Variants in LMNB2 observed in about 807,000 individuals in gnomAD.
LMNB2 encodes lamin B2.
Under a neutral mutation model 69.3 loss-of-function variants are expected in LMNB2, and 17 were observed. The observed-to-expected ratio is 0.25, with a 90% CI of 0.17 to 0.37. The LOEUF (loss-of-function observed/expected upper bound fraction) is 0.37, where lower values mean the gene tolerates loss of function less well. LMNB2 is among the 10% of genes least tolerant of loss of function. LMNB2 has a pLI of 1.00. For missense variants in LMNB2, 789 were observed against 883.6 expected (o/e 0.89, Z 1.36); for synonymous variants, 397 against 389.3 (o/e 1.02, Z -0.23).
At position 2,438,474 on chromosome 19, in the gene LMNB2, C is replaced by T; in HGVS notation, c.459G>A (p.Glu153=). ...TVAQGRVKDL[E]SLFHRSEVEL... ...CCACCTCGCTCCGGTGGAACAGGGA[C>T]TCCAGGTCCTTCACACGGCCCTGGG... Residue 153 remains glutamate, a synonymous_variant, in exon 3 of 12, where the codon GAG becomes GAA. Coordinates refer to ENST00000325327, the MANE Select transcript of LMNB2 (RefSeq NM_032737.4). 6.2e-7 allele frequency: 1 copy of T among 1,612,024 alleles called. No homozygotes were observed. The highest frequency in any genetic ancestry group is 8.5e-7 in the Non-Finnish European group (1 of 1,179,814).
Position 2,438,305 on chromosome 19 carries a change from A to G in LMNB2, c.559-17T>C. 1.2e-6 allele frequency: 2 copies of G among 1,613,892 alleles called. No individual in the cohort carries two copies. Among genetic ancestry groups the G allele is most frequent in the South Asian group, 1.1e-5 (1 of 91,090 alleles). On this transcript the variant is annotated splice_polypyrimidine_tract_variant and intron_variant, in intron 3 of 11. Coordinates refer to ENST00000325327, the MANE Select transcript of LMNB2 (RefSeq NM_032737.4). ...GTCCTCGGCCTGGGAGACACAGGAC[A>G]GCGAGCTGGTGTGACAATCTGTCTG...
At position 2,453,393 on chromosome 19, in the gene LMNB2, T is replaced by C. The variant is rs1197235766; in HGVS notation, c.264+3277A>G. ...CTCTCTGAACCCCACGTGGCCCACC[T>C]GTGTCTAGAAGGCCCCCAGCTATTC... On this transcript the variant is annotated intron_variant, in intron 1 of 11. Transcript: ENST00000325327. This position sits in a 1 kb window ranked among gnomAD's most constrained non-coding sequence, Gnocchi z 4.4. 6.7e-6 allele frequency among the ~76,000 whole-genome samples: 1 copy of C among 150,362 alleles called. No individual in the cohort carries two copies. The highest frequency in any genetic ancestry group is 2.0e-4 in the East Asian group (1 of 5,080).
At chr19:2,456,543 G>A (rs1972092247) in intron 1 of LMNB2, 127 bp downstream of exon 1, 2 of 1,030,576 alleles carry the variant, frequency 1.9e-6, no homozygotes, top group East Asian at 3.8e-5. Context: ...GAAACCCCGC[G>A]GAAACCCCCG....
Position 2,430,386 on chromosome 19 carries a change from C to A in LMNB2, c.*525G>T. The A allele has an allele frequency of 5.2e-6, 1 of 192,862 alleles. No individual in the cohort carries two copies. The allele number at this position is 192,862 out of a possible 1,614,324, so 11.9% of individuals were successfully genotyped here. On this transcript the variant is annotated 3_prime_UTR_variant, in exon 12 of 12. Transcript: ENST00000325327. ...GGGGCCACGCCATCCCCATGCTGGC[C>A]CACACCCGCTGCGTGGCTGCCTGAG...
intron 11 of LMNB2, 33 bp downstream of exon 11, chr19:2,431,515 C>A: frequency 6.2e-7 from 1 of 1,612,192 alleles, no homozygotes; most frequent in South Asian, 1.1e-5. Flanking sequence ...CCAGAGGCTG[C>A]CCCCCAGCCG....
intron 1 of LMNB2, among the ~76,000 whole-genome samples, chr19:2,449,404 G>T (rs1971994677): frequency 6.6e-6 from 1 of 152,116 alleles, no homozygotes; most frequent in South Asian, 2.1e-4. Flanking sequence ...TTTCCACAAG[G>T]TATCCCTGTC....
chr19:2,452,952 G>A (rs1418377643), intron 1 of LMNB2, among the ~76,000 whole-genome samples: 2 of 141,378 alleles, frequency 1.4e-5, no homozygotes, highest in African/African-American at 2.7e-5. Context: ...CCTCATGGGG[G>A]CTGGGTCATC....
chr19:2,454,656 G>C (rs973518430), intron 1 of LMNB2, among the ~76,000 whole-genome samples: 1 of 152,134 alleles, frequency 6.6e-6, no homozygotes, highest in African/African-American at 2.4e-5. Context: ...TGGGCGAGTG[G>C]GGACTGGGCG....
chr19:2,437,802 A>AAAAAAAAAAAAAAT (rs1971845711), intron 4 of LMNB2, among the ~76,000 whole-genome samples: 1 of 151,972 alleles, frequency 6.6e-6, no homozygotes, highest in African/African-American at 2.4e-5. Flanking sequence ...TCCATCTCAA[A>AAAAAAAAAAAAAAT]AAAAGACGTG....
chr19:2,431,985 C>T (rs1322135769), intron 9 of LMNB2, 83 bp from the exon 10 acceptor site: 1 of 1,522,764 alleles, frequency 6.6e-7, no homozygotes, highest in African/African-American at 1.4e-5. Context: ...TACCACAAAG[C>T]CCCCTTCAAT....
In LMNB2 at chr19:2,438,214, G is replaced by A; in HGVS notation, c.633C>T (p.Arg211=). 2 of 1,614,064 alleles carry A rather than the reference G, an allele frequency of 1.2e-6. No homozygotes were observed. The highest frequency in any genetic ancestry group is 2.7e-5 in the African/African-American group (2 of 75,068). The change falls in exon 4 of 12, where the codon CGC becomes CGT. Residue 211 remains arginine, a synonymous_variant. Transcript: ENST00000325327. ...CCAGCTCCTCCTGCAGGCTCTGGCA[G>A]CGGTTCTCCAGGTCCACACGCATCA... ...ETLMRVDLEN[R]CQSLQEELDF...
chr19:2,449,169 T>A (rs1306105935), intron 1 of LMNB2, among the ~76,000 whole-genome samples: 2 of 152,184 alleles, frequency 1.3e-5, no homozygotes, highest in Non-Finnish European at 2.9e-5. Flanking sequence ...AGTACTGGGA[T>A]TATAGGCGGG....
Position 2,447,541 on chromosome 19 carries a change from C to G in LMNB2, c.265-3001G>C, listed in dbSNP as rs1207313808. Among the ~76,000 whole-genome samples the G allele has an allele frequency of 6.6e-6, 1 of 152,166 alleles. No individual in the cohort carries two copies. On this transcript the variant is annotated intron_variant, in intron 1 of 11. Coordinates refer to ENST00000325327, the MANE Select transcript of LMNB2 (RefSeq NM_032737.4). This position sits in a 1 kb window ranked among gnomAD's most constrained non-coding sequence, Gnocchi z 4.4. The stretch of plus-strand genomic sequence containing the variant: ...TGAAAACGCGAAACCTACGGGTGAG[C>G]TGGGTGAACCTTATGAGGCGGGAAT...
chr19:2,434,624 A>T (rs1057212656), intron 6 of LMNB2, 109 bp from the exon 7 acceptor site: 1 of 1,504,190 alleles, frequency 6.6e-7, no homozygotes, highest in Non-Finnish European at 9.0e-7. Context: ...GGCAGAGACC[A>T]GGCCTGGGCA....
chr19:2,450,824 G>C (rs560710263), intron 1 of LMNB2, among the ~76,000 whole-genome samples: 1 of 151,298 alleles, frequency 6.6e-6, no homozygotes, highest in Non-Finnish European at 1.5e-5. Context: ...TAGAGACGGG[G>C]CTTCACCATG....
chr19:2,449,733 C>A (rs1012257185), intron 1 of LMNB2, among the ~76,000 whole-genome samples: 2 of 151,822 alleles, frequency 1.3e-5, no homozygotes, highest in African/African-American at 4.8e-5. Context: ...GCTGAGATCA[C>A]GCCACTACGC....
Position 2,456,923 on chromosome 19 carries a change from G to C in LMNB2, c.11C>G (p.Pro4Arg). The C allele has an allele frequency of 1.0e-6, 1 of 994,224 alleles. No homozygotes were observed. The highest frequency in any genetic ancestry group is 4.5e-5 in the South Asian group (1 of 22,170). The allele number at this position is 994,224 out of a possible 1,614,324, so 61.6% of individuals were successfully genotyped here. Residue 4 changes from proline to arginine, a missense_variant, in exon 1 of 12, where the codon CCG becomes CGG. By Grantham distance (103) the Pro-to-Arg change is moderately radical. Around this residue, in one of 3 missense-constraint regions of LMNB2, gnomAD observed 35 missense variants for 23.9 expected, o/e 1.47. Transcript: ENST00000325327. MSP[P>R]SPGRRREQRR... ...CTGCTCCCGACGGCGGCCCGGGCTC[G>C]GCGGGCTCATTCAATCCGCGCCGCC...
chr19:2,449,239 C>T (rs74473284), intron 1 of LMNB2, among the ~76,000 whole-genome samples: 4,684 of 152,218 alleles, frequency 0.031, 265 homozygotes, highest in African/African-American at 0.11. Flanking sequence ...ATTGTGTAAC[C>T]GGTGCCCACA....
In LMNB2 at chr19:2,441,865, G is replaced by C. The variant is rs1032390260; in HGVS notation, c.401+2539C>G. On this transcript the variant is annotated intron_variant, in intron 2 of 11. Transcript: ENST00000325327. ...CGAGCAGCAGTGCAAAGGCCCAGGG[G>C]TGAGGTGGAAGAGGCAGGCTGCAGA... is the stretch of plus-strand genomic sequence containing the variant. Among the ~76,000 whole-genome samples, 8 of 152,256 alleles carry C rather than the reference G, an allele frequency of 5.3e-5. No homozygotes were observed. In the South Asian group the frequency reaches 1.7e-3, roughly 31 times the overall value.
Sources: gnomAD v4.1 joint callset for allele counts (sites outside exome capture counted in the v4.1 genomes callset) on GRCh38, gnomAD v4.1.1 for gene constraint, gnomAD v4.1.1 regional missense constraint, Gnocchi (gnomAD v3.1) non-coding constraint, MANE v1.5 for transcripts, NCBI Gene and HGNC (gene_info 2026-07-23, HGNC 2026-07-21) for gene names.